The following SPHKAP variants were observed in gnomAD, a reference collection of about 807,000 sequenced individuals.
SPHKAP encodes the protein A-kinase anchor protein SPHKAP.
In SPHKAP, 67 loss-of-function variants were observed where a neutral mutation model predicts 137.5. The ratio of observed to expected loss-of-function variants is 0.49; its 90% CI spans 0.40 to 0.60. The LOEUF is 0.60. SPHKAP is among the 20% of genes least tolerant of loss of function. The probability of loss-of-function intolerance (pLI) is 0.00; values close to 1 mark genes in which losing one functional copy is unlikely to be tolerated. For synonymous variants in SPHKAP, 813 were observed against 785.3 expected (o/e 1.04, Z -0.59); for missense variants, 2,097 against 2,069.3 (o/e 1.01, Z -0.26).
chr2:228,011,585 A>G (rs1490940589), intron 7 of SPHKAP, among the ~76,000 whole-genome samples: 1 of 152,250 alleles, frequency 6.6e-6, no homozygotes, highest in Non-Finnish European at 1.5e-5. Flanking sequence ...AGGGTAAATC[A>G]TAAATGGCAG....
At chr2:228,035,145 C>T (rs1695535854) in intron 3 of SPHKAP, among the ~76,000 whole-genome samples, 1 of 146,202 alleles carries the variant, frequency 6.8e-6, no homozygotes, top group African/African-American at 2.6e-5. Context: ...TTGTCTCAGC[C>T]CAAAATCTCC....
At chr2:228,035,346 G>A (rs1695544615) in intron 3 of SPHKAP, among the ~76,000 whole-genome samples, 1 of 151,902 alleles carries the variant, frequency 6.6e-6, no homozygotes, top group African/African-American at 2.4e-5. Flanking sequence ...ACCTCTTCAA[G>A]GAGAACTACA....
intron 3 of SPHKAP, among the ~76,000 whole-genome samples, chr2:228,061,011 T>A (rs1298617732): frequency 6.6e-6 from 1 of 152,164 alleles, no homozygotes; most frequent in Admixed American, 6.5e-5. Flanking sequence ...CTCACTGGAT[T>A]TGAGGCCAAA....
At chr2:228,072,026 C>T (rs1262984391) in intron 3 of SPHKAP, among the ~76,000 whole-genome samples, 1 of 152,154 alleles carries the variant, frequency 6.6e-6, no homozygotes, top group Non-Finnish European at 1.5e-5. Flanking sequence ...TTGGCCTCCT[C>T]AATGTGGGTG....
chr2:228,045,591 A>G lies in SPHKAP; in HGVS notation c.247-18048T>C, dbSNP rs142731038. Among the ~76,000 whole-genome samples the G allele has an allele frequency of 2.6e-5, 4 of 151,940 alleles. No individual in the cohort carries two copies. The East Asian group carries it at 7.8e-4, about 30-fold the overall frequency. ...CGAAGGGGAACATCACACAGCGGGGACTGTTGCGGGATTGGGGGAGCGGGG... is the reference window on the plus strand; with the variant it reads ...CGAAGGGGAACATCACACAGCGGGGGCTGTTGCGGGATTGGGGGAGCGGGG... On this transcript the variant is annotated intron_variant, in intron 3 of 11. Transcript: ENST00000392056.
chr2:228,122,769 T>C (rs746892602), intron 2 of SPHKAP, among the ~76,000 whole-genome samples: 2 of 152,168 alleles, frequency 1.3e-5, no homozygotes, highest in South Asian at 2.1e-4. Context: ...ACAACCCTGA[T>C]GTTGATGTGG....
intron 1 of SPHKAP, among the ~76,000 whole-genome samples, chr2:228,133,350 T>TAAAC (rs1456621005): frequency 1.4e-5 from 2 of 148,068 alleles, no homozygotes; most frequent in African/African-American, 4.9e-5. Context: ...AATAAATAAA[T>TAAAC]TACTTCTACA....
intron 9 of SPHKAP, 138 bp from the exon 10 acceptor site, chr2:227,991,464 A>AT (rs1372817267): frequency 6.6e-7 from 1 of 1,515,242 alleles, no homozygotes; most frequent in Non-Finnish European, 8.8e-7. Flanking sequence ...GAGTAGAGTA[A>AT]TGCTGGGAAA....
chr2:228,141,003 A>T (rs1699588328), intron 1 of SPHKAP, among the ~76,000 whole-genome samples: 1 of 152,162 alleles, frequency 6.6e-6, no homozygotes, highest in South Asian at 2.1e-4. Flanking sequence ...ATAGCAAAAA[A>T]ACAGCCTAAT....
chr2:228,159,423 G>A (rs1018788729), intron 1 of SPHKAP, among the ~76,000 whole-genome samples: 87 of 152,064 alleles, frequency 5.7e-4, no homozygotes, highest in African/African-American at 2.1e-3. Context: ...GGAGGGGCTT[G>A]CAAAACTGCA....
chr2:228,107,606 G>T (rs1698383862), intron 3 of SPHKAP, among the ~76,000 whole-genome samples: 1 of 152,144 alleles, frequency 6.6e-6, no homozygotes. Context: ...TCTCCTGAGA[G>T]ACTTTTTATT....
chr2:228,029,112 T>C (rs1695183380), intron 3 of SPHKAP, among the ~76,000 whole-genome samples: 1 of 152,152 alleles, frequency 6.6e-6, no homozygotes, highest in South Asian at 2.1e-4. Flanking sequence ...TGTTGGTAAT[T>C]AGGTCTAGTT....
At position 228,080,773 on chromosome 2, in the gene SPHKAP, AAAATAAAATAAAACC is replaced by A. The variant is rs1473151674; in HGVS notation, c.246+28044_246+28058del. Among the ~76,000 whole-genome samples, 525 of 57,498 alleles carry A rather than the reference AAAATAAAATAAAACC, an allele frequency of 9.1e-3. 9 individuals carry two copies. The highest frequency in any genetic ancestry group is 0.033 in the African/African-American group (498 of 15,276). The allele number at this position is 57,498 out of a possible 152,430, so 37.7% of individuals were successfully genotyped here. ...AAAATAAAATAAAATAAAATAAAATAAAATAAAATAAAACCAAACCACAATGATGTATCATCTCAC... is the reference window on the plus strand; with the variant it reads ...AAAATAAAATAAAATAAAATAAAATAAAACCACAATGATGTATCATCTCAC... On this transcript the variant is annotated intron_variant, in intron 3 of 11. Transcript: ENST00000392056.
At chr2:228,092,350 T>C (rs1255124188) in intron 3 of SPHKAP, among the ~76,000 whole-genome samples, 1 of 143,700 alleles carries the variant, frequency 7.0e-6, no homozygotes, top group Non-Finnish European at 1.5e-5. Flanking sequence ...TGTGTGTGTA[T>C]ACATATATAC....
intron 3 of SPHKAP, among the ~76,000 whole-genome samples, chr2:228,096,458 T>C (rs955322743): frequency 2.0e-5 from 3 of 152,110 alleles, no homozygotes; most frequent in African/African-American, 7.2e-5. Flanking sequence ...CTCCCTGCCC[T>C]TGAGCACGCT....
chr2:228,095,862 T>C (rs1255306954), intron 3 of SPHKAP, among the ~76,000 whole-genome samples: 1 of 152,222 alleles, frequency 6.6e-6, no homozygotes, highest in Non-Finnish European at 1.5e-5. Flanking sequence ...TCTTTTGTGA[T>C]AGAGCAATTT....
At chr2:228,126,958 T>C (rs558031016) in intron 2 of SPHKAP, among the ~76,000 whole-genome samples, 1 of 152,324 alleles carries the variant, frequency 6.6e-6, no homozygotes, top group African/African-American at 2.4e-5. Flanking sequence ...ATCCAACTAA[T>C]GCATTGTCTT....
intron 3 of SPHKAP, among the ~76,000 whole-genome samples, chr2:228,054,307 G>T (rs1233149284): frequency 6.6e-6 from 1 of 152,146 alleles, no homozygotes; most frequent in African/African-American, 2.4e-5. Flanking sequence ...GCATATGAGG[G>T]TGAGAATAGG....
At position 228,181,609 on chromosome 2, in the gene SPHKAP, C is replaced by G; in HGVS notation, c.-11G>C. On this transcript the variant is annotated 5_prime_UTR_variant, in exon 1 of 12. Coordinates refer to ENST00000392056, the MANE Select transcript of SPHKAP (RefSeq NM_001142644.2). The surrounding 1 kb of genome is among the most constrained non-coding windows in gnomAD (Gnocchi z 4.3). ...GGAGTTGCCATCCATTGTTGGTGGG[C>G]GCCCAGAGAAGAAAGACGGAAAGTG... 6.2e-7 allele frequency: 1 copy of G among 1,614,066 alleles called. No individual in the cohort carries two copies. The highest frequency in any genetic ancestry group is 1.3e-5 in the African/African-American group (1 of 75,014).
Sources: gnomAD v4.1 joint callset for allele counts (sites outside exome capture counted in the v4.1 genomes callset) on GRCh38, gnomAD v4.1.1 for gene constraint, Gnocchi (gnomAD v3.1) non-coding constraint, MANE v1.5 for transcripts, NCBI Gene and HGNC (gene_info 2026-07-23, HGNC 2026-07-21) for gene names.